GPC6: variants seen among roughly 807,000 people sequenced by gnomAD.
The protein encoded by GPC6 is glypican-6.
In GPC6, 14 loss-of-function variants were observed where a neutral mutation model predicts 55.2. The ratio of observed to expected loss-of-function variants is 0.25; its 90% CI spans 0.17 to 0.40. GPC6 has a LOEUF of 0.40. Ranked by LOEUF, GPC6 falls within the 10% of genes least tolerant of loss-of-function variation. The pLI, the probability that GPC6 is intolerant of heterozygous loss-of-function variation, is 1.00. For missense variants in GPC6, 641 were observed against 708.5 expected (o/e 0.90, Z 1.08); for synonymous variants, 278 against 259.6 (o/e 1.07, Z -0.68).
chr13:94,093,829 C>T (rs1176742612), intron 4 of GPC6, among the ~76,000 whole-genome samples: 1 of 152,066 alleles, frequency 6.6e-6, no homozygotes, highest in Non-Finnish European at 1.5e-5. Flanking sequence ...CCATCTGGAT[C>T]TGATCAGCAC....
intron 1 of GPC6, among the ~76,000 whole-genome samples, chr13:93,378,017 T>A (rs573866102): frequency 6.6e-6 from 1 of 152,348 alleles, no homozygotes; most frequent in East Asian, 1.9e-4. Flanking sequence ...CCAATATTTC[T>A]TTTTCTAATT....
intron 2 of GPC6, among the ~76,000 whole-genome samples, chr13:93,601,526 C>A (rs1010863817): frequency 2.6e-5 from 4 of 152,184 alleles, no homozygotes; most frequent in Non-Finnish European, 5.9e-5. Flanking sequence ...GAAAAGCATT[C>A]AGTTATTATC....
chr13:93,712,733 A>T (rs1257931210), intron 2 of GPC6, among the ~76,000 whole-genome samples: 2 of 151,434 alleles, frequency 1.3e-5, no homozygotes, highest in Admixed American at 1.3e-4. Flanking sequence ...GGTGGTGTAA[A>T]ATTAATACCA....
chr13:94,135,803 C>T (rs868252944), intron 4 of GPC6, among the ~76,000 whole-genome samples: 8 of 152,182 alleles, frequency 5.3e-5, no homozygotes, highest in East Asian at 1.9e-4. Flanking sequence ...TCATCTCCAA[C>T]GCAAGGTGGT....
At chr13:93,711,146 C>G (rs1326046190) in intron 2 of GPC6, among the ~76,000 whole-genome samples, 1 of 151,708 alleles carries the variant, frequency 6.6e-6, no homozygotes, top group Admixed American at 6.6e-5. Context: ...GTTCAGGTGA[C>G]AAAATGGTAC....
chr13:93,427,886 A>G (rs1172233088), intron 1 of GPC6, among the ~76,000 whole-genome samples: 2 of 152,224 alleles, frequency 1.3e-5, no homozygotes, highest in Admixed American at 6.5e-5. Context: ...GCAGGCTTGT[A>G]GACTTAGTTT....
intron 4 of GPC6, among the ~76,000 whole-genome samples, chr13:94,225,591 T>C (rs552303587): frequency 6.4e-4 from 98 of 152,086 alleles, no homozygotes; most frequent in African/African-American, 2.2e-3. Context: ...TGAAGACCCC[T>C]TGTATATAAG....
intron 3 of GPC6, among the ~76,000 whole-genome samples, chr13:93,995,863 A>G (rs1307676435): frequency 1.3e-5 from 2 of 152,194 alleles, no homozygotes; most frequent in Non-Finnish European, 2.9e-5. Flanking sequence ...ACAAATCTTA[A>G]GTAAAAATTG....
At chr13:93,542,307 C>G (rs545188003) in intron 1 of GPC6, among the ~76,000 whole-genome samples, 9,051 of 152,148 alleles carry the variant, frequency 0.059, 876 homozygotes, top group African/African-American at 0.21. Context: ...TTGTTTTTCT[C>G]AGGTTTGTCA....
chr13:94,045,863 A>C (rs1412070883), intron 4 of GPC6, among the ~76,000 whole-genome samples: 1 of 152,018 alleles, frequency 6.6e-6, no homozygotes, highest in African/African-American at 2.4e-5. Flanking sequence ...TGTCCATAAT[A>C]TTAGTTAATG....
chr13:94,034,072 G>C (rs1008529855), intron 4 of GPC6, among the ~76,000 whole-genome samples: 21 of 152,138 alleles, frequency 1.4e-4, no homozygotes, highest in Middle Eastern at 3.4e-3. Context: ...CCAACCCTCT[G>C]TCTTTCTTTT....
chr13:93,965,166 G>A (rs1006165516), intron 3 of GPC6, among the ~76,000 whole-genome samples: 3 of 120,064 alleles, frequency 2.5e-5, no homozygotes, highest in African/African-American at 6.4e-5. Context: ...AAATAACCAC[G>A]ATTGGGAGGC....
At chr13:93,807,631 G>A (rs1198303382) in intron 2 of GPC6, among the ~76,000 whole-genome samples, 2 of 152,166 alleles carry the variant, frequency 1.3e-5, no homozygotes, top group Admixed American at 1.3e-4. Context: ...GAGAGCCACT[G>A]GTCTAACAGA....
intron 1 of GPC6, among the ~76,000 whole-genome samples, chr13:93,453,461 A>G (rs1215825949): frequency 1.3e-5 from 2 of 151,920 alleles, no homozygotes; most frequent in Non-Finnish European, 2.9e-5. Context: ...TGTAAATCTC[A>G]TAAGTAACTT....
intron 6 of GPC6, among the ~76,000 whole-genome samples, chr13:94,340,437 G>C (rs1456574103): frequency 6.6e-6 from 1 of 152,130 alleles, no homozygotes; most frequent in Non-Finnish European, 1.5e-5. Flanking sequence ...CATTCCCACA[G>C]CTCTGTTTGT....
intron 1 of GPC6, among the ~76,000 whole-genome samples, chr13:93,243,015 G>A (rs533123335): frequency 1.8e-4 from 27 of 152,260 alleles, no homozygotes; most frequent in East Asian, 1.6e-3. Context: ...GGTTGGGACC[G>A]GGGGAACAGG....
At chr13:93,473,735 G>C (rs1373222868) in intron 1 of GPC6, among the ~76,000 whole-genome samples, 2 of 152,124 alleles carry the variant, frequency 1.3e-5, no homozygotes, top group Non-Finnish European at 2.9e-5. Flanking sequence ...GCCCCATCAT[G>C]GTGTCTCCAT....
intron 1 of GPC6, among the ~76,000 whole-genome samples, chr13:93,352,570 G>A (rs1198966649): frequency 6.6e-6 from 1 of 152,064 alleles, no homozygotes; most frequent in Non-Finnish European, 1.5e-5. Context: ...ATCATTCCAG[G>A]CATAGGTAGC....
At chr13:93,385,111 A>G (rs970402629) in intron 1 of GPC6, among the ~76,000 whole-genome samples, 4 of 152,238 alleles carry the variant, frequency 2.6e-5, no homozygotes, top group African/African-American at 9.6e-5. Context: ...TAAAAATGTT[A>G]CTGGGAGACA....
Sources: gnomAD v4.1 joint callset for allele counts (sites outside exome capture counted in the v4.1 genomes callset) on GRCh38, gnomAD v4.1.1 for gene constraint, MANE v1.5 for transcripts, NCBI Gene and HGNC (gene_info 2026-07-23, HGNC 2026-07-21) for gene names.